UCK2: variants seen among roughly 807,000 people sequenced by gnomAD.
UCK2 encodes cytidine monophosphokinase 2.
In UCK2, 6 loss-of-function variants were observed where a neutral mutation model predicts 30.8. That is an observed-to-expected ratio of 0.19 (90% CI 0.11 to 0.38). The LOEUF is 0.38. Among genes scored for constraint, UCK2 ranks in the 10% least tolerant of loss-of-function variants. The pLI is 1.00. For synonymous variants in UCK2, 125 were observed against 133.6 expected (o/e 0.94, Z 0.45); for missense variants, 210 against 339.8 (o/e 0.62, Z 3.00).
chr1:165,878,860 G>C (rs762783183), intron 1 of UCK2, among the ~76,000 whole-genome samples: 2 of 152,180 alleles, frequency 1.3e-5, no homozygotes, highest in East Asian at 1.9e-4. Context: ...GGATTGTATG[G>C]TAAGACTGTT....
chr1:165,869,732 G>A (rs557263942), intron 1 of UCK2, among the ~76,000 whole-genome samples: 18 of 134,706 alleles, frequency 1.3e-4, no homozygotes, highest in African/African-American at 4.5e-4. Context: ...GCAGTGTGTC[G>A]TGATCATAGC....
At chr1:165,881,156 G>T (rs1049629269) in intron 1 of UCK2, among the ~76,000 whole-genome samples, 7 of 120,528 alleles carry the variant, frequency 5.8e-5, no homozygotes, top group Admixed American at 1.1e-4. Flanking sequence ...CTGGGCGACA[G>T]AGTAAGACTC....
chr1:165,845,456 A>G (rs1168100165), intron 1 of UCK2, among the ~76,000 whole-genome samples: 3 of 152,172 alleles, frequency 2.0e-5, no homozygotes, highest in Non-Finnish European at 4.4e-5. Flanking sequence ...CTCTCTTGGG[A>G]AACAGACTTT....
intron 1 of UCK2, among the ~76,000 whole-genome samples, chr1:165,842,497 A>G (rs1320634860): frequency 6.6e-6 from 1 of 152,118 alleles, no homozygotes; most frequent in Non-Finnish European, 1.5e-5. Context: ...CAAGACAGAA[A>G]CCTTACAGTC....
chr1:165,860,767 C>T (rs1654875195), intron 1 of UCK2, among the ~76,000 whole-genome samples: 1 of 152,038 alleles, frequency 6.6e-6, no homozygotes, highest in South Asian at 2.1e-4. Context: ...GAATTCTTAA[C>T]CTTATCTCAT....
intron 1 of UCK2, among the ~76,000 whole-genome samples, chr1:165,868,280 G>A (rs976921591): frequency 3.3e-5 from 5 of 152,190 alleles, no homozygotes; most frequent in Non-Finnish European, 7.3e-5. Flanking sequence ...TAGGATTTTT[G>A]GAATGGTAAA....
chr1:165,870,857 G>A (rs1191329915), intron 1 of UCK2, among the ~76,000 whole-genome samples: 2 of 152,202 alleles, frequency 1.3e-5, no homozygotes, highest in African/African-American at 4.8e-5. Context: ...TTGCTCTGTT[G>A]CCCCGGCTGG....
intron 5 of UCK2, chr1:165,904,054 T>A (rs959726049): frequency 6.6e-6 from 1 of 152,134 alleles, no homozygotes; most frequent in African/African-American, 2.4e-5. Context: ...CCTGAATTAT[T>A]TATAGTTAAG....
At chr1:165,833,889 G>A (rs1451678996) in intron 1 of UCK2, among the ~76,000 whole-genome samples, 3 of 152,030 alleles carry the variant, frequency 2.0e-5, no homozygotes, top group African/African-American at 7.3e-5. Flanking sequence ...GATTTGTCAT[G>A]AAAGCATTCG....
At chr1:165,854,298 C>G (rs548807728) in intron 1 of UCK2, among the ~76,000 whole-genome samples, 1 of 152,246 alleles carries the variant, frequency 6.6e-6, no homozygotes, top group Admixed American at 6.5e-5. Flanking sequence ...TGCTGCTGGA[C>G]GTATGTGTGG....
chr1:165,858,380 A>G (rs1430656351), intron 1 of UCK2, among the ~76,000 whole-genome samples: 3 of 152,078 alleles, frequency 2.0e-5, no homozygotes, highest in African/African-American at 4.8e-5. Flanking sequence ...GTCTGTCACT[A>G]CTGCCCTGGG....
intron 1 of UCK2, among the ~76,000 whole-genome samples, chr1:165,887,292 T>G (rs535878742): frequency 1.9e-4 from 29 of 152,310 alleles, no homozygotes; most frequent in Middle Eastern, 6.8e-3. Context: ...ACACAATTAG[T>G]CATACTGTAT....
At chr1:165,880,677 A>T (rs1445759272) in intron 1 of UCK2, among the ~76,000 whole-genome samples, 2 of 151,876 alleles carry the variant, frequency 1.3e-5, no homozygotes, top group Non-Finnish European at 2.9e-5. Flanking sequence ...CTCCATATTC[A>T]GGCTTAGAAT....
intron 1 of UCK2, among the ~76,000 whole-genome samples, chr1:165,829,037 G>C (rs1314775477): frequency 6.6e-6 from 1 of 152,128 alleles, no homozygotes; most frequent in Non-Finnish European, 1.5e-5. Context: ...CGAGGTTTTA[G>C]CTCCCGAACC....
chr1:165,888,797 A>G (rs1163265942), intron 1 of UCK2, among the ~76,000 whole-genome samples: 2 of 151,950 alleles, frequency 1.3e-5, no homozygotes, highest in African/African-American at 2.4e-5. Context: ...AATCAGTTTC[A>G]TTAGAAGACT....
At chr1:165,848,236 C>A (rs1654499366) in intron 1 of UCK2, among the ~76,000 whole-genome samples, 1 of 152,198 alleles carries the variant, frequency 6.6e-6, no homozygotes, top group Non-Finnish European at 1.5e-5. Context: ...TATTTTATGA[C>A]TTGCTCATTT....
At chr1:165,857,187 C>T (rs1020506175) in intron 1 of UCK2, among the ~76,000 whole-genome samples, 1 of 152,106 alleles carries the variant, frequency 6.6e-6, no homozygotes. Flanking sequence ...AGTGCCTTCC[C>T]CAAGCACATG....
At chr1:165,888,725 C>T (rs1425040240) in intron 1 of UCK2, among the ~76,000 whole-genome samples, 2 of 148,524 alleles carry the variant, frequency 1.3e-5, no homozygotes, top group African/African-American at 5.0e-5. Context: ...TCAAGCAATC[C>T]ACCCCCTTCA....
In UCK2 at chr1:165,908,035, C is replaced by A; in HGVS notation, c.*212C>A. ...CTGAGCTTAAATAACAAAACTGTGC[C>A]AACTACTACTGGTGATGCCTAATTA... On this transcript the variant is annotated 3_prime_UTR_variant, in exon 7 of 7. Transcript: ENST00000367879. 4 of 583,810 alleles carry A rather than the reference C, an allele frequency of 6.9e-6. No homozygotes were observed. The highest frequency in any genetic ancestry group is 3.2e-5 in the East Asian group (1 of 31,702). 36.2% of individuals were successfully genotyped at this position (583,810 alleles called of 1,614,324 possible).
Sources: gnomAD v4.1 joint callset for allele counts (sites outside exome capture counted in the v4.1 genomes callset) on GRCh38, gnomAD v4.1.1 for gene constraint, MANE v1.5 for transcripts, NCBI Gene and HGNC (gene_info 2026-07-23, HGNC 2026-07-21) for gene names.